Variants in KIF16B observed in about 807,000 individuals in gnomAD.
KIF16B encodes the protein kinesin-like protein KIF16B.
KIF16B carries 98 observed loss-of-function variants against 156.3 expected under a neutral mutation model. The ratio of observed to expected loss-of-function variants is 0.63; its 90% confidence interval spans 0.53 to 0.74. The LOEUF (loss-of-function observed/expected upper bound fraction) is 0.74, where lower values mean the gene tolerates loss of function less well. KIF16B is among the 30% of genes least tolerant of loss of function. The probability of loss-of-function intolerance (pLI) is 0.00; values close to 1 mark genes in which losing one functional copy is unlikely to be tolerated. For missense variants in KIF16B, 1,421 were observed against 1,606.5 expected, an observed-to-expected ratio of 0.88 and a Z score of 1.97; for synonymous variants, 564 against 583.7, an observed-to-expected ratio of 0.97 and a Z score of 0.49.
intron 24 of KIF16B, among the ~76,000 whole-genome samples, chr20:16,312,849 CT>C (rs2122714622): frequency 6.7e-6 from 1 of 149,416 alleles, no homozygotes; most frequent in African/African-American, 2.5e-5. Flanking sequence ...TACACACTAC[CT>C]GAACATTTTA....
intron 17 of KIF16B, chr20:16,381,993 A>T: frequency 1.1e-6 from 1 of 941,558 alleles, no homozygotes; most frequent in Non-Finnish European, 1.5e-6. Context: ...AAACAAAACA[A>T]AAACTGTATT....
chr20:16,275,303 C>T (rs550962708), intron 25 of KIF16B, among the ~76,000 whole-genome samples: 6 of 152,092 alleles, frequency 3.9e-5, no homozygotes, highest in African/African-American at 1.2e-4. Flanking sequence ...TGATCCACCC[C>T]CCTTGGCCTC....
intron 1 of KIF16B, among the ~76,000 whole-genome samples, chr20:16,532,634 A>T (rs529220977): frequency 6.6e-6 from 1 of 152,218 alleles, no homozygotes; most frequent in Non-Finnish European, 1.5e-5. Context: ...CAGAACACCA[A>T]ACCCAGATTC....
chr20:16,554,432 T>C (rs559257620), intron 1 of KIF16B, among the ~76,000 whole-genome samples: 2 of 152,342 alleles, frequency 1.3e-5, no homozygotes, highest in East Asian at 1.9e-4. Context: ...TCCTCTCTGC[T>C]GAGCGCTGAA....
intron 9 of KIF16B, 128 bp from the exon 10 acceptor site, chr20:16,504,675 G>A: frequency 1.5e-6 from 1 of 658,686 alleles, no homozygotes; most frequent in Non-Finnish European, 2.6e-6. Flanking sequence ...CATTGCCACA[G>A]TAATGAATAT....
chr20:16,488,633 G>C (rs2068193865), intron 12 of KIF16B, among the ~76,000 whole-genome samples: 1 of 152,194 alleles, frequency 6.6e-6, no homozygotes, highest in Non-Finnish European at 1.5e-5. Context: ...GGATTGAGTA[G>C]TCACTTTGTA....
intron 24 of KIF16B, among the ~76,000 whole-genome samples, chr20:16,320,259 AT>A (rs1181204993): frequency 2.0e-5 from 3 of 152,176 alleles, no homozygotes; most frequent in Non-Finnish European, 4.4e-5. Context: ...CGCACTAAAA[AT>A]CAATCTACCT....
intron 25 of KIF16B, among the ~76,000 whole-genome samples, chr20:16,281,362 A>G (rs1463079261): frequency 6.6e-6 from 1 of 152,172 alleles, no homozygotes; most frequent in East Asian, 1.9e-4. Context: ...AACTCGCAGT[A>G]CTTGGAAAAT....
At chr20:16,540,583 A>C (rs1301796522) in intron 1 of KIF16B, among the ~76,000 whole-genome samples, 13 of 152,118 alleles carry the variant, frequency 8.5e-5, no homozygotes, top group Non-Finnish European at 2.9e-5. Flanking sequence ...TTCCCATGGT[A>C]CTGAGTATCC....
At chr20:16,469,760 T>A (rs2067605671) in intron 12 of KIF16B, among the ~76,000 whole-genome samples, 1 of 152,170 alleles carries the variant, frequency 6.6e-6, no homozygotes, top group South Asian at 2.1e-4. Context: ...GCAAGACAGT[T>A]CGGCAATTTC....
At chr20:16,420,519 AG>A (rs2066199713) in intron 15 of KIF16B, among the ~76,000 whole-genome samples, 1 of 152,272 alleles carries the variant, frequency 6.6e-6, no homozygotes, top group African/African-American at 2.4e-5. Context: ...TAAACTGGAA[AG>A]GGGTGGTGGA....
At chr20:16,484,342 G>A (rs1165417163) in intron 12 of KIF16B, among the ~76,000 whole-genome samples, 7 of 152,182 alleles carry the variant, frequency 4.6e-5, no homozygotes, top group African/African-American at 1.7e-4. Flanking sequence ...CTCAGCCTCT[G>A]ACCCTGCCAA....
rs73236247 is a variant in KIF16B at position 16,342,955 on chromosome 20, G to T, written c.3622-6940C>A. Among the ~76,000 whole-genome samples the T allele has an allele frequency of 7.2e-3, 1,089 of 152,222 alleles. 4 individuals carry two copies. Among genetic ancestry groups the T allele is most frequent in the African/African-American group, 0.025 (1,050 of 41,520 alleles). On this transcript the variant is annotated intron_variant, in intron 23 of 25. Coordinates refer to ENST00000354981, the MANE Select transcript of KIF16B (RefSeq NM_024704.5). ...AGCTTGAGAAAAAATAGACAGAAAG[G>T]CAAAATTAAGAGACAAAATTAAAGC...
chr20:16,280,166 G>T (rs2063124253), intron 25 of KIF16B, among the ~76,000 whole-genome samples: 1 of 152,150 alleles, frequency 6.6e-6, no homozygotes, highest in Non-Finnish European at 1.5e-5. Flanking sequence ...AGCTTCTTTT[G>T]GGTTTTTCTT....
chr20:16,292,268 C>T (rs6075043), intron 25 of KIF16B, among the ~76,000 whole-genome samples: 47,968 of 151,878 alleles, frequency 0.32, 7,593 homozygotes, highest in East Asian at 0.39. Context: ...CATGGGCAAA[C>T]GATAAAGGTA....
chr20:16,553,375 T>C (rs1364028818), intron 1 of KIF16B, among the ~76,000 whole-genome samples: 1 of 152,180 alleles, frequency 6.6e-6, no homozygotes, highest in East Asian at 1.9e-4. Context: ...CTAGAGAACT[T>C]GTGAGGCTTT....
chr20:16,406,122 G>A (rs1480197445), intron 16 of KIF16B, among the ~76,000 whole-genome samples: 3 of 152,142 alleles, frequency 2.0e-5, no homozygotes, highest in African/African-American at 7.2e-5. Context: ...TGGGAAGGGT[G>A]GAAGGCTGAA....
chr20:16,324,616 T>G (rs1236330631), intron 24 of KIF16B, among the ~76,000 whole-genome samples: 2 of 152,044 alleles, frequency 1.3e-5, no homozygotes, highest in African/African-American at 4.8e-5. Flanking sequence ...TGAATGAGTC[T>G]GTCATTAATT....
intron 25 of KIF16B, among the ~76,000 whole-genome samples, chr20:16,312,015 G>A (rs1318525840): frequency 2.6e-5 from 4 of 152,146 alleles, no homozygotes; most frequent in Non-Finnish European, 5.9e-5. Flanking sequence ...AGCAAGCTTT[G>A]TACTCTCATC....
Sources: gnomAD v4.1 joint callset for allele counts (sites outside exome capture counted in the v4.1 genomes callset) on GRCh38, gnomAD v4.1.1 for gene constraint, MANE v1.5 for transcripts, NCBI Gene and HGNC (gene_info 2026-07-23, HGNC 2026-07-21) for gene names.